The following PLEKHM1 variants were observed in gnomAD, a reference collection of about 807,000 sequenced individuals.
PLEKHM1 encodes pleckstrin homology domain-containing family M member 1.
Under a neutral mutation model 94.3 loss-of-function variants are expected in PLEKHM1, and 28 were observed. That is an observed-to-expected ratio of 0.30 (90% confidence interval 0.22 to 0.41). The LOEUF (loss-of-function observed/expected upper bound fraction) is 0.41. Among genes scored for constraint, PLEKHM1 ranks in the 10% least tolerant of loss-of-function variants. The pLI is 1.00. For missense variants in PLEKHM1, 907 were observed against 1,358.6 expected (o/e 0.67, Z 5.22); for synonymous variants, 424 against 581.2 (o/e 0.73, Z 3.89).
At chr17:45,448,296 G>A (rs1442520889) in intron 8 of PLEKHM1, among the ~76,000 whole-genome samples, 2 of 152,224 alleles carry the variant, frequency 1.3e-5, no homozygotes, top group African/African-American at 4.8e-5. Context: ...GAGCGAGGGC[G>A]GGGACAAGGC....
In PLEKHM1 at chr17:45,472,919, A is replaced by T. The variant is rs549494859; in HGVS notation, c.923+2181T>A. 2.0e-3 allele frequency among the ~76,000 whole-genome samples: 311 copies of T among 152,302 alleles called. 1 individual carries two copies. The highest frequency in any genetic ancestry group is 7.0e-3 in the African/African-American group (291 of 41,564). ...GGCGAGTGGAAAGAAGGTCCCAAAC[A>T]CGTGGGACCTTCTTTTCCGCTGATG... On this transcript the variant is annotated intron_variant, in intron 4 of 11. Transcript: ENST00000430334.
intron 5 of PLEKHM1, among the ~76,000 whole-genome samples, chr17:45,467,096 C>T (rs2051343079): frequency 6.6e-6 from 1 of 152,202 alleles, no homozygotes; most frequent in Non-Finnish European, 1.5e-5. Context: ...TACAGCCACA[C>T]ACCACCATGC....
chr17:45,469,347 G>A (rs1286615927), intron 4 of PLEKHM1, among the ~76,000 whole-genome samples: 2 of 152,150 alleles, frequency 1.3e-5, no homozygotes, highest in East Asian at 1.9e-4. Flanking sequence ...CTTGGTACAC[G>A]TGCATGCACA....
rs756305965 is a variant in PLEKHM1 at position 45,437,805 on chromosome 17, A to G, written c.*53T>C. The G allele has an allele frequency of 7.2e-7, 1 of 1,385,800 alleles. No individual in the cohort carries two copies. Among genetic ancestry groups the G allele is most frequent in the Non-Finnish European group, 1.0e-6 (1 of 971,884 alleles). 85.8% of individuals were successfully genotyped at this position (1,385,800 alleles called of 1,614,324 possible). A position where few individuals can be genotyped will look rare whatever the true frequency, so the allele number is the denominator to read the frequency against. Reference sequence around the variant, plus strand: ...TGGGCTGATGGCAAACCCAGCCGGGATGGCTGAGCCACACTCACCCCCGGC... The same window carrying G: ...TGGGCTGATGGCAAACCCAGCCGGGGTGGCTGAGCCACACTCACCCCCGGC... On this transcript the variant is annotated 3_prime_UTR_variant, in exon 12 of 12. Coordinates refer to ENST00000430334, the MANE Select transcript of PLEKHM1 (RefSeq NM_014798.3). This position sits in a 1 kb window ranked among gnomAD's most constrained non-coding sequence, Gnocchi z 4.0.
intron 5 of PLEKHM1, among the ~76,000 whole-genome samples, chr17:45,463,448 A>G (rs1045219662): frequency 6.6e-6 from 1 of 152,122 alleles, no homozygotes; most frequent in East Asian, 1.9e-4. Flanking sequence ...GCTGGATCAC[A>G]GTGGTGTGAT....
intron 2 of PLEKHM1, among the ~76,000 whole-genome samples, chr17:45,480,042 A>G (rs1407023666): frequency 6.6e-6 from 1 of 152,222 alleles, no homozygotes; most frequent in Non-Finnish European, 1.5e-5. Context: ...AAATGTTAAC[A>G]TTCTTTGAAA....
intron 8 of PLEKHM1, among the ~76,000 whole-genome samples, chr17:45,450,068 A>C (rs1370579014): frequency 4.6e-5 from 5 of 107,980 alleles, no homozygotes; most frequent in Non-Finnish European, 5.9e-5. Context: ...CATCCACCTA[A>C]CCATCCACCT....
intron 1 of PLEKHM1, among the ~76,000 whole-genome samples, chr17:45,490,114 T>C (rs1281952103): frequency 1.3e-5 from 2 of 151,354 alleles, no homozygotes; most frequent in Admixed American, 1.3e-4. Flanking sequence ...GCACCTACTT[T>C]GGGGGTGGGT....
At position 45,475,609 on chromosome 17, in the gene PLEKHM1, C is replaced by T. The variant is rs111658952; in HGVS notation, c.414G>A (p.Leu138=). The part of the protein sequence containing the change: ...DGLMECYLKL[L]LQEQARLHEY... The stretch of plus-strand genomic sequence containing the variant: ...CATGCAAGCGGGCCTGCTCCTGCAG[C>T]AGCAGCTTCAGGTAGCACTCCATCA... Residue 138 remains leucine (L), a synonymous_variant, in exon 4 of 12, where the codon CTG becomes CTA. Transcript: ENST00000430334. 18 of 1,614,032 alleles carry T rather than the reference C, an allele frequency of 1.1e-5. No homozygotes were observed. Among genetic ancestry groups the T allele is most frequent in the Non-Finnish European group, 1.3e-5 (15 of 1,179,940 alleles).
At chr17:45,449,186 G>C (rs1348049469) in intron 8 of PLEKHM1, among the ~76,000 whole-genome samples, 2 of 150,602 alleles carry the variant, frequency 1.3e-5, no homozygotes, top group Non-Finnish European at 3.0e-5. Context: ...GGGCCTCATA[G>C]GGTTGGCAAA....
intron 1 of PLEKHM1, among the ~76,000 whole-genome samples, chr17:45,482,785 G>A (rs1048113881): frequency 1.3e-5 from 2 of 152,148 alleles, no homozygotes; most frequent in South Asian, 2.1e-4. Flanking sequence ...TGGTAAGGGC[G>A]CTTCACATCA....
chr17:45,449,741 C>G (rs577963448), intron 8 of PLEKHM1, among the ~76,000 whole-genome samples: 24 of 151,290 alleles, frequency 1.6e-4, no homozygotes, highest in Non-Finnish European at 3.1e-4. Flanking sequence ...TACCCATCCA[C>G]CTACCTACCT....
In PLEKHM1 at chr17:45,445,018, G is replaced by C. The variant is rs925134343; in HGVS notation, c.2837+452C>G. 1.3e-5 allele frequency among the ~76,000 whole-genome samples: 2 copies of C among 152,208 alleles called. No individual in the cohort carries two copies. The highest frequency in any genetic ancestry group is 4.8e-5 in the African/African-American group (2 of 41,442). ...CCTACTTGTCTTCCCTGCCAGGCCA[G>C]AGACTTCCGGCGGGTCGGCCCTGGC... On this transcript the variant is annotated intron_variant, in intron 9 of 11. Transcript: ENST00000430334. The surrounding 1 kb of genome is among the most constrained non-coding windows in gnomAD (Gnocchi z 4.2).
Position 45,445,149 on chromosome 17 carries a change from C to T in PLEKHM1, c.2837+321G>A, listed in dbSNP as rs201234419. 5.9e-5 allele frequency among the ~76,000 whole-genome samples: 9 copies of T among 152,308 alleles called. No homozygotes were observed. The East Asian group carries it at 1.2e-3, about 20-fold the overall frequency. On this transcript the variant is annotated intron_variant, in intron 9 of 11. Coordinates refer to ENST00000430334, the MANE Select transcript of PLEKHM1 (RefSeq NM_014798.3). This position sits in a 1 kb window ranked among gnomAD's most constrained non-coding sequence, Gnocchi z 4.2. ...GAACAAATAGATACATGAACAAAACCCCAAAATCACCCCCAAAAGATGTGA... is the reference window on the plus strand; with the variant it reads ...GAACAAATAGATACATGAACAAAACTCCAAAATCACCCCCAAAAGATGTGA...
At chr17:45,482,933 C>T (rs968935274) in intron 1 of PLEKHM1, among the ~76,000 whole-genome samples, 24 of 151,894 alleles carry the variant, frequency 1.6e-4, no homozygotes, top group African/African-American at 5.6e-4. Context: ...GACCAGGAAG[C>T]AGGGGCTCAC....
chr17:45,457,191 A>AAAG (rs1567780349), intron 6 of PLEKHM1, among the ~76,000 whole-genome samples: 1 of 151,534 alleles, frequency 6.6e-6, no homozygotes, highest in African/African-American at 2.4e-5. Flanking sequence ...AAAAAAAAAA[A>AAAG]AAGAAGCACT....
In PLEKHM1 at chr17:45,453,837, A is replaced by C; in HGVS notation, c.2015T>G (p.Phe672Cys). The C allele has an allele frequency of 1.2e-6, 2 of 1,613,984 alleles. No individual in the cohort carries two copies. Among genetic ancestry groups the C allele is most frequent in the Non-Finnish European group, 1.7e-6 (2 of 1,179,866 alleles). Residue 672 changes from phenylalanine to cysteine, a missense_variant, in exon 7 of 12, where the codon TTT becomes TGT. Physicochemically the swap from Phe to Cys is radical, Grantham distance 205 (BLOSUM62 -2). Coordinates refer to ENST00000430334, the MANE Select transcript of PLEKHM1 (RefSeq NM_014798.3). This position sits in a 1 kb window ranked among gnomAD's most constrained non-coding sequence, Gnocchi z 4.1. ...TGGAACCTGGGCGGACGACCAGTCA[A>C]ACTGTGTGCCCTGGAGGGCCGCGGG... ...SEPAALQGTQ[F>C]DWSSAQVPEP... is the part of the protein sequence containing the mutation.
At chr17:45,457,233 G>A (rs1364260546) in intron 6 of PLEKHM1, among the ~76,000 whole-genome samples, 2 of 148,792 alleles carry the variant, frequency 1.3e-5, no homozygotes, top group Non-Finnish European at 3.0e-5. Context: ...AGATCCTCCA[G>A]CCTGGCCAAC....
At chr17:45,479,468 A>T (rs1244287466) in intron 2 of PLEKHM1, among the ~76,000 whole-genome samples, 1 of 151,462 alleles carries the variant, frequency 6.6e-6, no homozygotes, top group Non-Finnish European at 1.5e-5. Flanking sequence ...CAGTGAGCCA[A>T]GATCGCACCA....
Sources: gnomAD v4.1 joint callset for allele counts (sites outside exome capture counted in the v4.1 genomes callset) on GRCh38, gnomAD v4.1.1 for gene constraint, Gnocchi (gnomAD v3.1) non-coding constraint, MANE v1.5 for transcripts, NCBI Gene and HGNC (gene_info 2026-07-23, HGNC 2026-07-21) for gene names.